Variants in NOS1 observed in about 807,000 individuals in gnomAD.
The protein encoded by NOS1 is NOS type I.
NOS1 carries 51 observed loss-of-function variants against 164.5 expected under a neutral mutation model. That is an observed-to-expected ratio of 0.31 (90% CI 0.25 to 0.39). The LOEUF is 0.39. Among genes scored for constraint, NOS1 ranks in the 10% least tolerant of loss-of-function variants. NOS1 has a pLI of 1.00. For synonymous variants in NOS1, 719 were observed against 745.8 expected (o/e 0.96, Z 0.59); for missense variants, 1,362 against 1,885.6 (o/e 0.72, Z 5.14).
intron 14 of NOS1, among the ~76,000 whole-genome samples, chr12:117,259,711 C>T (rs1380671963): frequency 2.0e-5 from 3 of 152,184 alleles, no homozygotes; most frequent in Non-Finnish European, 2.9e-5. Flanking sequence ...TGAAAACAAG[C>T]GATCCACGAT....
rs1002268887 is a variant in NOS1 at position 117,277,937 on chromosome 12, A to G, written c.1664+22T>C. 1.1e-5 allele frequency: 17 copies of G among 1,600,978 alleles called. No individual in the cohort carries two copies. In the East Asian group the frequency reaches 1.6e-4, roughly 15 times the overall value. ...TGGGCAAACCCACTCACCCTCTCCC[A>G]CCCCTTGCCAGTCCCTCTTACTTGG... On this transcript the variant is annotated intron_variant, in intron 9 of 28. Coordinates refer to ENST00000317775, the MANE Select transcript of NOS1 (RefSeq NM_000620.5).
rs1335147421 is a variant in NOS1, at chr12:117,208,809, G to A, written c.*6500C>T. ...GCCATCTCGGCTCACTGCAGCCTCTGCCTCCTGGGTTCAAGTAATTCTCCT... is the reference window on the plus strand; with the variant it reads ...GCCATCTCGGCTCACTGCAGCCTCTACCTCCTGGGTTCAAGTAATTCTCCT... On this transcript the variant is annotated 3_prime_UTR_variant, in exon 29 of 29. Transcript: ENST00000317775. 1.4e-5 allele frequency: 12 copies of A among 860,286 alleles called. No individual in the cohort carries two copies. The highest frequency in any genetic ancestry group is 1.5e-5 in the Non-Finnish European group (11 of 717,770). The allele number at this position is 860,286 out of a possible 1,614,324, so 53.3% of individuals were successfully genotyped here. A position where few individuals can be genotyped will look rare whatever the true frequency, so the allele number is the denominator to read the frequency against.
At chr12:117,252,696 T>G (rs533554216) in intron 17 of NOS1, among the ~76,000 whole-genome samples, 51 of 152,322 alleles carry the variant, frequency 3.3e-4, no homozygotes, top group African/African-American at 1.2e-3. Context: ...TTTCTGCTCA[T>G]TTTGCTGTCA....
Position 117,351,543 on chromosome 12 carries a change from C to A in NOS1, c.-421+9969G>T, listed in dbSNP as rs969260525. Among the ~76,000 whole-genome samples the A allele has an allele frequency of 4.6e-5, 7 of 152,294 alleles. No homozygotes were observed. The South Asian group carries it at 1.5e-3, about 32-fold the overall frequency. Reference sequence around the variant, plus strand: ...TGTTTCCTGCTTAGACCCTGACTGACAAATCTTCACCTCCATTGCCCCTTG... The same window carrying A: ...TGTTTCCTGCTTAGACCCTGACTGAAAAATCTTCACCTCCATTGCCCCTTG... On this transcript the variant is annotated intron_variant, in intron 1 of 28. Transcript: ENST00000317775.
chr12:117,218,149 G>A lies in NOS1; in HGVS notation c.4186C>T (p.His1396Tyr), dbSNP rs1482314684. The A allele has an allele frequency of 6.2e-7, 1 of 1,613,670 alleles. No homozygotes were observed. The change falls in exon 28 of 29, where the codon CAT (histidine) becomes TAT (tyrosine). Residue 1396 changes from histidine to tyrosine, a missense_variant. By Grantham distance (83) the His-to-Tyr change is moderately conservative. Around this residue, in one of 4 missense-constraint regions of NOS1, gnomAD observed 737 missense variants for 1,030.3 expected, o/e 0.72. Coordinates refer to ENST00000317775, the MANE Select transcript of NOS1 (RefSeq NM_000620.5). ...AGGGTGACTCCAAAAATATCCTCAT[G>A]GTATCGGTTGTCATCCTAGAAGACA... The part of the protein sequence containing the change: ...ISRMRDDNRY[H>Y]EDIFGVTLRT...
chr12:117,255,920 C>G, intron 16 of NOS1: 2 of 1,459,234 alleles, frequency 1.4e-6, no homozygotes, highest in Non-Finnish European at 9.1e-7. Flanking sequence ...TGCGTGTACA[C>G]ACATGCACAC....
chr12:117,333,311 C>G (rs1170587031), intron 1 of NOS1, among the ~76,000 whole-genome samples: 1 of 152,214 alleles, frequency 6.6e-6, no homozygotes, highest in East Asian at 1.9e-4. Context: ...TGTCCCAAAG[C>G]CCCTTCCTGC....
intron 2 of NOS1, among the ~76,000 whole-genome samples, chr12:117,312,202 G>A (rs1275493279): frequency 6.6e-6 from 1 of 152,164 alleles, no homozygotes; most frequent in Non-Finnish European, 1.5e-5. Context: ...CTTACTATGT[G>A]CCAAGGACTT....
chr12:117,281,004 A>T, intron 7 of NOS1, 138 bp from the exon 8 acceptor site: 2 of 912,042 alleles, frequency 2.2e-6, no homozygotes, highest in Non-Finnish European at 3.3e-6. Flanking sequence ...CCCAGGGCCA[A>T]TGGAGCAGCG....
intron 18 of NOS1, among the ~76,000 whole-genome samples, chr12:117,246,531 G>A (rs1193251092): frequency 5.3e-5 from 8 of 152,078 alleles, no homozygotes; most frequent in African/African-American, 1.9e-4. Flanking sequence ...CATGTCGAAC[G>A]TCCACAAGGT....
chr12:117,256,031 C>A, intron 16 of NOS1: 1 of 1,438,662 alleles, frequency 7.0e-7, no homozygotes, highest in Non-Finnish European at 9.1e-7. Context: ...GCAAGGGTTC[C>A]GGGTACCTAG....
At chr12:117,239,268 C>T (rs987158753) in intron 20 of NOS1, among the ~76,000 whole-genome samples, 1 of 152,218 alleles carries the variant, frequency 6.6e-6, no homozygotes, top group African/African-American at 2.4e-5. Flanking sequence ...CGGTGCTGAC[C>T]TTGACTTCTG....
chr12:117,258,408 C>G lies in NOS1; in HGVS notation c.2520G>C (p.Gln840His), dbSNP rs1300306541. ...LMEMRHPNSV[Q>H]EERKSYKVRF... ...GGTCATTCACTTACTTCCTTTCTTC[C>G]TGCACAGAGTTGGGGTGCCTCATTT... is the stretch of plus-strand genomic sequence containing the variant. Residue 840 changes from glutamine to histidine, a missense_variant, in exon 16 of 29, where the codon CAG becomes CAC. Physicochemically the swap from Gln to His is conservative, Grantham distance 24 (BLOSUM62 0). Around this residue, in one of 4 missense-constraint regions of NOS1, gnomAD observed 737 missense variants for 1,030.3 expected, o/e 0.72. Transcript: ENST00000317775. 1 of 1,614,158 alleles carries G rather than the reference C, an allele frequency of 6.2e-7. No individual in the cohort carries two copies. The highest frequency in any genetic ancestry group is 1.7e-5 in the Admixed American group (1 of 60,012).
At chr12:117,289,176 A>G (rs555075571) in intron 4 of NOS1, among the ~76,000 whole-genome samples, 2 of 152,382 alleles carry the variant, frequency 1.3e-5, no homozygotes, top group South Asian at 4.1e-4. Context: ...TGAAATAAAA[A>G]TACTGAGGAC....
chr12:117,288,382 T>C (rs1872845719), intron 4 of NOS1, among the ~76,000 whole-genome samples, 163 bp from the exon 5 acceptor site: 1 of 152,184 alleles, frequency 6.6e-6, no homozygotes, highest in Non-Finnish European at 1.5e-5. Context: ...GATATGATCA[T>C]AGTCATGTTA....
intron 3 of NOS1, among the ~76,000 whole-genome samples, chr12:117,293,034 A>C (rs1199796296): frequency 2.0e-5 from 3 of 152,160 alleles, no homozygotes; most frequent in Admixed American, 6.5e-5. Flanking sequence ...AGAGGAAGCA[A>C]GGTCTTACAG....
intron 10 of NOS1, among the ~76,000 whole-genome samples, chr12:117,268,598 T>C (rs1159890120): frequency 1.3e-5 from 2 of 149,116 alleles, no homozygotes; most frequent in African/African-American, 2.5e-5. Context: ...AATTTTTTTT[T>C]TTTTTTTTTG....
chr12:117,272,496 G>C lies in NOS1; in HGVS notation c.1728C>G (p.Leu576=). Residue 576 remains leucine (L), a synonymous_variant, in exon 10 of 29, where the codon CTC becomes CTG. Coordinates refer to ENST00000317775, the MANE Select transcript of NOS1 (RefSeq NM_000620.5). This position sits in a 1 kb window ranked among gnomAD's most constrained non-coding sequence, Gnocchi z 4.3. ...TGAACTCCAGGCCGCCAATCTCTAG[G>C]AGCATGTTGGACACGGCGGGGAGGC... ...WYGLPAVSNM[L]LEIGGLEFSA... is the part of the protein sequence containing the mutation. 1 of 1,614,150 alleles carries C rather than the reference G, an allele frequency of 6.2e-7. No individual in the cohort carries two copies. Among genetic ancestry groups the C allele is most frequent in the South Asian group, 1.1e-5 (1 of 91,084 alleles).
chr12:117,211,850 A>G lies in NOS1; in HGVS notation c.*3459T>C. 1 of 957,944 alleles carries G rather than the reference A, an allele frequency of 1.0e-6. No homozygotes were observed. Among genetic ancestry groups the G allele is most frequent in the Non-Finnish European group, 1.2e-6 (1 of 805,090 alleles). The allele number at this position is 957,944 out of a possible 1,614,324, so 59.3% of individuals were successfully genotyped here. On this transcript the variant is annotated 3_prime_UTR_variant, in exon 29 of 29. Coordinates refer to ENST00000317775, the MANE Select transcript of NOS1 (RefSeq NM_000620.5). ...GAGGCTGAGGTGCGTGGATCATTTGAGGTCAGGAATTCAAGACCAGCCTGG... is the reference window on the plus strand; with the variant it reads ...GAGGCTGAGGTGCGTGGATCATTTGGGGTCAGGAATTCAAGACCAGCCTGG...
Sources: allele counts gnomAD v4.1 joint callset (sites outside exome capture counted in the v4.1 genomes callset), GRCh38; gene constraint gnomAD v4.1.1; regional missense constraint gnomAD v4.1.1; non-coding constraint Gnocchi (gnomAD v3.1); transcripts MANE v1.5; gene names NCBI Gene and HGNC (gene_info 2026-07-23, HGNC 2026-07-21).